The following NCOA1 variants were observed in gnomAD, a reference collection of about 807,000 sequenced individuals.
The protein encoded by NCOA1 is Hin-2 protein.
Under a neutral mutation model 150.9 loss-of-function variants are expected in NCOA1, and 35 were observed. The ratio of observed to expected loss-of-function variants is 0.23; its 90% CI spans 0.18 to 0.31. The LOEUF is 0.31. Ranked by LOEUF, NCOA1 falls within the 10% of genes least tolerant of loss-of-function variation. The pLI is 1.00. For synonymous variants in NCOA1, 590 were observed against 630.0 expected, an observed-to-expected ratio of 0.94 and a Z score of 0.95; for missense variants, 1,491 against 1,749.3, an observed-to-expected ratio of 0.85 and a Z score of 2.63.
Position 24,491,261 on chromosome 2 carries a change from G to GTGGCGGCCGAGGAGGAGAACA in NCOA1, c.-727_-707dup. Among the ~76,000 whole-genome samples the GTGGCGGCCGAGGAGGAGAACA allele has an allele frequency of 6.8e-6, 1 of 147,318 alleles. No homozygotes were observed. The highest frequency in any genetic ancestry group is 3.4e-3 in the Middle Eastern group (1 of 290). On this transcript the variant is annotated 5_prime_UTR_variant, in exon 1 of 23. In the 5' UTR this introduces an upstream ATG that the reference lacks. Coordinates refer to ENST00000348332, the MANE Select transcript of NCOA1 (RefSeq NM_003743.5). ...GCGGGGGGCGGTGGCGGCGGCGGCG[G>GTGGCGGCCGAGGAGGAGAACA]TGGCGGCCGAGGAGGAGAACATGGC...
chr2:24,537,482 A>ATGTG (rs199844769), intron 1 of NCOA1, among the ~76,000 whole-genome samples: 1 of 150,314 alleles, frequency 6.7e-6, no homozygotes, highest in East Asian at 1.9e-4. Context: ...TAATATATGT[A>ATGTG]TGTGTGTGTG....
chr2:24,575,527 G>A lies in NCOA1; in HGVS notation c.-259-8949G>A, dbSNP rs118078988. On this transcript the variant is annotated intron_variant, in intron 2 of 22. Transcript: ENST00000348332. ...GATTGTCAGACATTGTAAATTTCAC[G>A]TTACTGGATGCTAGGTTTTGTGATA... is the stretch of plus-strand genomic sequence containing the variant. 3.7e-3 allele frequency among the ~76,000 whole-genome samples: 549 copies of A among 149,776 alleles called. 21 individuals carry two copies. In the East Asian group the frequency reaches 0.096, roughly 26 times the overall value.
intron 21 of NCOA1, among the ~76,000 whole-genome samples, chr2:24,758,778 C>A (rs1043261075): frequency 1.2e-4 from 18 of 150,940 alleles, no homozygotes; most frequent in African/African-American, 4.1e-4. Flanking sequence ...GTCAGGAGTT[C>A]GAGACCAGCC....
intron 3 of NCOA1, among the ~76,000 whole-genome samples, chr2:24,589,630 G>GGTGTGTGTGTGTGTGTGTGT (rs148118845): frequency 1.4e-5 from 2 of 147,550 alleles, no homozygotes; most frequent in South Asian, 4.3e-4. Flanking sequence ...AGAGGTTGGT[G>GGTGTGTGTGTGTGTGTGTGT]GTGTGTGTGT....
At chr2:24,643,078 A>G (rs1400319900) in intron 3 of NCOA1, among the ~76,000 whole-genome samples, 1 of 152,230 alleles carries the variant, frequency 6.6e-6, no homozygotes, top group African/African-American at 2.4e-5. Flanking sequence ...CTAAAATGTC[A>G]TAGAATTGTA....
At chr2:24,649,115 A>C in intron 4 of NCOA1, among the ~76,000 whole-genome samples, 1 of 152,042 alleles carries the variant, frequency 6.6e-6, no homozygotes. Flanking sequence ...TTTTAAAAAG[A>C]GACATAGTCT....
At chr2:24,661,146 A>G (rs1172738134) in intron 5 of NCOA1, among the ~76,000 whole-genome samples, 1 of 152,160 alleles carries the variant, frequency 6.6e-6, no homozygotes, top group African/African-American at 2.4e-5. Flanking sequence ...AATAACAGGC[A>G]TTGAGAATTC....
intron 3 of NCOA1, among the ~76,000 whole-genome samples, chr2:24,632,071 T>C (rs1669732585): frequency 6.6e-6 from 1 of 151,472 alleles, no homozygotes; most frequent in Admixed American, 6.6e-5. Context: ...CTTAGTATTG[T>C]TCACTCTCAA....
chr2:24,733,946 A>G (rs1378827289), intron 17 of NCOA1, among the ~76,000 whole-genome samples: 2 of 152,168 alleles, frequency 1.3e-5, no homozygotes, highest in East Asian at 3.8e-4. Context: ...GCACTTTGGG[A>G]GGCCGAGGTG....
At chr2:24,762,843 G>A (rs1048433314) in intron 22 of NCOA1, 67 bp downstream of exon 22, 6 of 1,390,544 alleles carry the variant, frequency 4.3e-6, no homozygotes, top group Admixed American at 3.4e-5. Context: ...TCATTGTGTA[G>A]CATCATTAAG....
intron 4 of NCOA1, among the ~76,000 whole-genome samples, chr2:24,649,596 C>T (rs1279863134): frequency 6.6e-6 from 1 of 152,134 alleles, no homozygotes; most frequent in Non-Finnish European, 1.5e-5. Flanking sequence ...GCTATTTTCC[C>T]TCAGTCGTGA....
At chr2:24,683,828 G>T (rs1402351530) in intron 8 of NCOA1, among the ~76,000 whole-genome samples, 1 of 152,168 alleles carries the variant, frequency 6.6e-6, no homozygotes, top group African/African-American at 2.4e-5. Flanking sequence ...CTGAGTGGGG[G>T]TGTTTTTCAA....
chr2:24,494,195 G>A (rs906982077), intron 1 of NCOA1, among the ~76,000 whole-genome samples: 2 of 152,136 alleles, frequency 1.3e-5, no homozygotes, highest in Admixed American at 1.3e-4. Context: ...TGGAGAGAGG[G>A]TATTGGGCAT....
chr2:24,719,049 A>C (rs1316919921), intron 14 of NCOA1, among the ~76,000 whole-genome samples: 1 of 150,814 alleles, frequency 6.6e-6, no homozygotes, highest in East Asian at 1.9e-4. Flanking sequence ...AAAAAAAAAA[A>C]AAAAAACCCC....
intron 1 of NCOA1, among the ~76,000 whole-genome samples, chr2:24,548,717 A>G (rs1012805614): frequency 2.6e-5 from 4 of 152,242 alleles, no homozygotes; most frequent in Non-Finnish European, 4.4e-5. Flanking sequence ...ACCAAGTCCA[A>G]AATCCAGCAG....
chr2:24,716,295 T>C (rs55688352), intron 14 of NCOA1, among the ~76,000 whole-genome samples: 1 of 150,720 alleles, frequency 6.6e-6, no homozygotes, highest in Non-Finnish European at 1.5e-5. Context: ...TACTGCTTGA[T>C]TTTAATACTT....
intron 17 of NCOA1, among the ~76,000 whole-genome samples, chr2:24,730,764 G>A (rs577340551): frequency 4.0e-5 from 6 of 150,442 alleles, no homozygotes; most frequent in East Asian, 2.0e-4. Context: ...GGTGGCTCAC[G>A]CCTCTAATCC....
intron 14 of NCOA1, among the ~76,000 whole-genome samples, chr2:24,716,005 G>A (rs368791297): frequency 1.3e-5 from 2 of 151,960 alleles, no homozygotes; most frequent in South Asian, 2.1e-4. Context: ...TTAGCCGGGC[G>A]TGGTGGCAGG....
intron 17 of NCOA1, among the ~76,000 whole-genome samples, chr2:24,730,367 T>C (rs1021768894): frequency 1.3e-5 from 2 of 152,232 alleles, no homozygotes; most frequent in Admixed American, 6.5e-5. Context: ...CTTAGAGACC[T>C]ATAACTTAAA....
Sources: allele counts gnomAD v4.1 joint callset (sites outside exome capture counted in the v4.1 genomes callset), GRCh38; gene constraint gnomAD v4.1.1; transcripts MANE v1.5; gene names NCBI Gene and HGNC (gene_info 2026-07-23, HGNC 2026-07-21).